The following LRRC7 variants were observed in gnomAD, a reference collection of about 807,000 sequenced individuals.
LRRC7 encodes the protein leucine rich repeat containing 7.
LRRC7 carries 23 observed loss-of-function variants against 175.7 expected under a neutral mutation model. The observed-to-expected ratio is 0.13, with a 90% CI of 0.09 to 0.19. The LOEUF is 0.19. Ranked by LOEUF, LRRC7 falls within the 10% of genes least tolerant of loss-of-function variation. The pLI, the probability that LRRC7 is intolerant of heterozygous loss-of-function variation, is 1.00. For missense variants in LRRC7, 1,354 were observed against 1,904.7 expected, an observed-to-expected ratio of 0.71 and a Z score of 5.38; for synonymous variants, 685 against 680.9, an observed-to-expected ratio of 1.01 and a Z score of -0.09.
intron 2 of LRRC7, among the ~76,000 whole-genome samples, chr1:69,718,122 AAAG>A (rs796462270): frequency 8.9e-5 from 5 of 56,400 alleles, no homozygotes; most frequent in Non-Finnish European, 1.4e-4. Flanking sequence ...AGAAAGAAAG[AAAG>A]AAAAGAAAGA....
intron 5 of LRRC7, among the ~76,000 whole-genome samples, chr1:69,826,995 G>T (rs1482493068): frequency 2.0e-5 from 3 of 151,996 alleles, no homozygotes; most frequent in Non-Finnish European, 4.4e-5. Context: ...ATAATCTGAG[G>T]CCTTTTGTAG....
At chr1:69,709,982 T>C (rs1230589494) in intron 2 of LRRC7, among the ~76,000 whole-genome samples, 2 of 151,760 alleles carry the variant, frequency 1.3e-5, no homozygotes, top group African/African-American at 4.8e-5. Flanking sequence ...GTAGGGATGA[T>C]CTAGAAAAAA....
At chr1:69,663,555 A>G (rs1442861712) in intron 1 of LRRC7, among the ~76,000 whole-genome samples, 1 of 152,024 alleles carries the variant, frequency 6.6e-6, no homozygotes, top group Non-Finnish European at 1.5e-5. Flanking sequence ...TGTACTAGCA[A>G]ATATTTAATA....
chr1:69,941,867 A>C (rs898494908), intron 8 of LRRC7, among the ~76,000 whole-genome samples: 1 of 152,130 alleles, frequency 6.6e-6, no homozygotes, highest in Non-Finnish European at 1.5e-5. Flanking sequence ...TGGAGATTAT[A>C]GAAAAACAAT....
chr1:70,018,502 G>A (rs761909897), intron 14 of LRRC7, among the ~76,000 whole-genome samples: 5 of 151,904 alleles, frequency 3.3e-5, no homozygotes, highest in Non-Finnish European at 7.4e-5. Context: ...GATAAGTTTT[G>A]TAAAAGGATA....
chr1:69,698,366 A>G (rs1662881906), intron 2 of LRRC7, among the ~76,000 whole-genome samples: 2 of 152,224 alleles, frequency 1.3e-5, no homozygotes, highest in Non-Finnish European at 2.9e-5. Flanking sequence ...TACTGATGAC[A>G]GTCTATCTGA....
At chr1:69,679,075 T>C (rs1660157903) in intron 2 of LRRC7, among the ~76,000 whole-genome samples, 1 of 152,260 alleles carries the variant, frequency 6.6e-6, no homozygotes, top group African/African-American at 2.4e-5. Flanking sequence ...TACTAGAATA[T>C]GCCATTGGCT....
intron 7 of LRRC7, among the ~76,000 whole-genome samples, chr1:69,886,084 G>T (rs1209027992): frequency 6.6e-6 from 1 of 151,346 alleles, no homozygotes; most frequent in East Asian, 1.9e-4. Flanking sequence ...TGAAAAAAAT[G>T]TATATTCTGT....
At chr1:69,629,904 T>C (rs1160924674) in intron 1 of LRRC7, among the ~76,000 whole-genome samples, 1 of 152,176 alleles carries the variant, frequency 6.6e-6, no homozygotes, top group African/African-American at 2.4e-5. Flanking sequence ...CCCTTTCAAC[T>C]CTCAACAGCT....
At chr1:70,037,727 A>AT (rs1283491735) in intron 20 of LRRC7, among the ~76,000 whole-genome samples, 1 of 152,194 alleles carries the variant, frequency 6.6e-6, no homozygotes, top group Non-Finnish European at 1.5e-5. Context: ...TAAGAACTAC[A>AT]TATTTCCTTC....
intron 13 of LRRC7, chr1:70,014,140 C>T (rs1656768747): frequency 6.6e-6 from 1 of 151,932 alleles, no homozygotes; most frequent in African/African-American, 2.4e-5. Flanking sequence ...GACTGTGTTA[C>T]TAGCCTGGAA....
At chr1:69,736,772 G>A (rs555209044) in intron 2 of LRRC7, among the ~76,000 whole-genome samples, 13 of 152,142 alleles carry the variant, frequency 8.5e-5, no homozygotes, top group South Asian at 4.1e-4. Context: ...TTCTTTCTCC[G>A]TGTTGAGGCT....
intron 8 of LRRC7, among the ~76,000 whole-genome samples, chr1:69,957,391 A>G (rs1047881847): frequency 6.6e-6 from 1 of 151,932 alleles, no homozygotes; most frequent in Admixed American, 6.6e-5. Flanking sequence ...AAAGCAGACT[A>G]TCTACCTTAA....
chr1:69,878,171 A>G (rs931101054), intron 7 of LRRC7, among the ~76,000 whole-genome samples: 14 of 151,868 alleles, frequency 9.2e-5, no homozygotes, highest in African/African-American at 3.4e-4. Flanking sequence ...TAAAGATTGG[A>G]CTTCCTGTTT....
chr1:69,684,126 A>G (rs542113736), intron 2 of LRRC7, among the ~76,000 whole-genome samples: 50 of 152,284 alleles, frequency 3.3e-4, no homozygotes, highest in African/African-American at 1.1e-3. Flanking sequence ...AAAATCAGTT[A>G]TATAAGATCC....
In LRRC7 at chr1:70,130,834, G is replaced by A. The variant is rs572130189; in HGVS notation, c.*8947G>A. ...AGAGAGACGAGGCTACGGAAGTGTA[G>A]TTGAGAGAAAGGGGTCTCCACCTAC... On this transcript the variant is annotated 3_prime_UTR_variant, in exon 27 of 27. Coordinates refer to ENST00000651989, the MANE Select transcript of LRRC7 (RefSeq NM_001370785.2). Among the ~76,000 whole-genome samples, 2 of 152,300 alleles carry A rather than the reference G, an allele frequency of 1.3e-5. No individual in the cohort carries two copies. The highest frequency in any genetic ancestry group is 3.9e-4 in the East Asian group (2 of 5,180).
intron 7 of LRRC7, 69 bp from the exon 8 acceptor site, chr1:69,931,438 G>A (rs373083896): frequency 8.0e-7 from 1 of 1,255,944 alleles, no homozygotes; most frequent in African/African-American, 1.5e-5. Context: ...CAGGAAGGTG[G>A]TTGGAATGTC....
In LRRC7 at chr1:69,986,245, A is replaced by G. The variant is rs1416290954; in HGVS notation, c.790A>G (p.Ile264Val). Reference protein sequence around the residue: ...NNALQVLPGSIGKLKMLVYLD... With the variant: ...NNALQVLPGSVGKLKMLVYLD... ...GAGTTTATGCAATGTCATCAAGTCT[A>G]TAGGGAAGTTAAAGATGTTGGTATA... The change falls in exon 10 of 27, where the codon ATA becomes GTA. Residue 264 changes from isoleucine (I) to valine (V), a missense_variant. Physicochemically the swap from Ile to Val is conservative, Grantham distance 29 (BLOSUM62 3). This residue lies in a region of LRRC7 where 201 missense variants were observed against 481.4 expected (regional missense o/e 0.42). Coordinates refer to ENST00000651989, the MANE Select transcript of LRRC7 (RefSeq NM_001370785.2). 4 of 1,612,914 alleles carry G rather than the reference A, an allele frequency of 2.5e-6. No individual in the cohort carries two copies. The highest frequency in any genetic ancestry group is 2.2e-5 in the East Asian group (1 of 44,700).
At chr1:69,641,619 TATTA>T (rs1213048159) in intron 1 of LRRC7, among the ~76,000 whole-genome samples, 2 of 151,736 alleles carry the variant, frequency 1.3e-5, no homozygotes, top group African/African-American at 2.4e-5. Context: ...CAATTTTTTA[TATTA>T]ATTACCACCT....
Sources: allele counts gnomAD v4.1 joint callset (sites outside exome capture counted in the v4.1 genomes callset), GRCh38; gene constraint gnomAD v4.1.1; regional missense constraint gnomAD v4.1.1; transcripts MANE v1.5; gene names NCBI Gene and HGNC (gene_info 2026-07-23, HGNC 2026-07-21).